The following ARFGEF2 variants were observed in gnomAD, a reference collection of about 807,000 sequenced individuals.
The protein encoded by ARFGEF2 is brefeldin A-inhibited guanine nucleotide-exchange protein 2.
ARFGEF2 carries 74 observed loss-of-function variants against 219.9 expected under a neutral mutation model. The observed-to-expected ratio is 0.34, with a 90% CI of 0.28 to 0.41. The LOEUF (loss-of-function observed/expected upper bound fraction) is 0.41. Ranked by LOEUF, ARFGEF2 falls within the 10% of genes least tolerant of loss-of-function variation. The probability of loss-of-function intolerance (pLI) is 1.00; values close to 1 mark genes in which losing one functional copy is unlikely to be tolerated. For synonymous variants in ARFGEF2, 733 were observed against 799.2 expected, an observed-to-expected ratio of 0.92 and a Z score of 1.40; for missense variants, 1,743 against 2,218.3, an observed-to-expected ratio of 0.79 and a Z score of 4.30.
At chr20:49,017,104 A>T in intron 31 of ARFGEF2, 145 bp from the exon 32 acceptor site, 1 of 735,412 alleles carries the variant, frequency 1.4e-6, no homozygotes, top group South Asian at 1.9e-5. Flanking sequence ...AAAAATTTTA[A>T]TACTGTCTGT....
At chr20:48,968,234 T>C (rs1487977389) in intron 8 of ARFGEF2, among the ~76,000 whole-genome samples, 6 of 152,048 alleles carry the variant, frequency 3.9e-5, no homozygotes, top group East Asian at 3.9e-4. Context: ...ACCTCGTGAT[T>C]CGCCCGCCTC....
At chr20:48,950,807 A>ATATATATATATATAT (rs2091063070) in intron 3 of ARFGEF2, among the ~76,000 whole-genome samples, 3 of 44,812 alleles carry the variant, frequency 6.7e-5, no homozygotes, top group East Asian at 4.5e-4. Flanking sequence ...AAAAAAAAAA[A>ATATATATATATATAT]AAAAATATAT....
At chr20:49,022,940 C>A in intron 34 of ARFGEF2, 111 bp from the exon 35 acceptor site, 2 of 1,423,866 alleles carry the variant, frequency 1.4e-6, no homozygotes, top group East Asian at 4.7e-5. Context: ...CGTAGTGAGA[C>A]CCCATCTCTT....
chr20:48,971,986 A>G (rs1043226889), intron 10 of ARFGEF2, among the ~76,000 whole-genome samples: 66 of 152,128 alleles, frequency 4.3e-4, no homozygotes, highest in African/African-American at 1.5e-3. Context: ...CCCCCTAAAC[A>G]TATCTGTTTG....
chr20:48,927,110 G>A (rs1476916189), intron 1 of ARFGEF2, among the ~76,000 whole-genome samples: 2 of 151,658 alleles, frequency 1.3e-5, no homozygotes, highest in South Asian at 2.1e-4. Context: ...AAGAAGGAGT[G>A]GCTCCTGGGA....
intron 5 of ARFGEF2, 57 bp downstream of exon 5, chr20:48,952,941 C>A: frequency 6.4e-7 from 1 of 1,567,770 alleles, no homozygotes; most frequent in Non-Finnish European, 8.8e-7. Context: ...TGAACTCTAT[C>A]ATGTGTGACC....
intron 26 of ARFGEF2, among the ~76,000 whole-genome samples, chr20:49,007,002 G>A (rs2091465173): frequency 6.6e-6 from 1 of 151,962 alleles, no homozygotes; most frequent in African/African-American, 2.4e-5. Context: ...ATTTTAAGCA[G>A]AGAAGTGAAA....
rs777474842 is a variant in ARFGEF2, at chr20:49,001,985, T to C, written c.3433-3085T>C. On this transcript the variant is annotated intron_variant, in intron 25 of 38. Coordinates refer to ENST00000371917, the MANE Select transcript of ARFGEF2 (RefSeq NM_006420.3). Reference sequence around the variant, plus strand: ...TAACAGGCCGGGCACAGTAGCTCACTCCTGAATCCCAGCAGTTTGGGAAGC... The same window carrying C: ...TAACAGGCCGGGCACAGTAGCTCACCCCTGAATCCCAGCAGTTTGGGAAGC... Among the ~76,000 whole-genome samples the C allele has an allele frequency of 6.4e-4, 97 of 152,296 alleles. 1 individual carries two copies. Among genetic ancestry groups the C allele is most frequent in the Admixed American group, 5.2e-4 (8 of 15,272 alleles).
At chr20:48,969,978 C>A (rs1330555344) in intron 9 of ARFGEF2, among the ~76,000 whole-genome samples, 1 of 152,154 alleles carries the variant, frequency 6.6e-6, no homozygotes, top group Non-Finnish European at 1.5e-5. Context: ...TAATAATAAT[C>A]CTCAATTCAT....
At position 48,965,901 on chromosome 20, in the gene ARFGEF2, C is replaced by G. The variant is rs762006750; in HGVS notation, c.937C>G (p.Pro313Ala). Residue 313 changes from proline to alanine, a missense_variant, in exon 8 of 39, where the codon CCT (proline) becomes GCT (alanine). Coordinates refer to ENST00000371917, the MANE Select transcript of ARFGEF2 (RefSeq NM_006420.3). Reference sequence around the variant, plus strand: ...AGCGGAAAAGCATGGTCTGACAGAACCTGAGAGAGTTCTAGGTGAACTGGA... The same window carrying G: ...AGCGGAAAAGCATGGTCTGACAGAAGCTGAGAGAGTTCTAGGTGAACTGGA... Reference protein sequence around the residue: ...EAAEKHGLTEPERVLGELECQ... With the variant: ...EAAEKHGLTEAERVLGELECQ... 3.7e-6 allele frequency: 6 copies of G among 1,614,058 alleles called. No homozygotes were observed. The African/African-American group carries it at 6.7e-5, about 18-fold the overall frequency.
At chr20:48,953,427 C>T in intron 5 of ARFGEF2, 129 bp from the exon 6 acceptor site, 1 of 851,850 alleles carries the variant, frequency 1.2e-6, no homozygotes, top group African/African-American at 1.7e-5. Flanking sequence ...CCTGCTGCCT[C>T]AGCCTTCCAA....
Position 48,941,197 on chromosome 20 carries a change from A to G in ARFGEF2, c.122-2A>G. ...ATGTGTTTTTTCTTCCTTCCTTACC[A>G]GATGAAATTAAAGCAGAAATAGAAA... On this transcript the variant is annotated splice_acceptor_variant, in intron 1 of 38. Transcript: ENST00000371917. LOFTEE classifies it high-confidence loss of function. 6.2e-7 allele frequency: 1 copy of G among 1,613,114 alleles called. No individual in the cohort carries two copies. The highest frequency in any genetic ancestry group is 8.5e-7 in the Non-Finnish European group (1 of 1,179,410).
chr20:49,013,417 T>G, intron 28 of ARFGEF2, 147 bp from the exon 29 acceptor site: 1 of 969,408 alleles, frequency 1.0e-6, no homozygotes. Flanking sequence ...GATAATGTCT[T>G]TGTGTAGTCT....
intron 10 of ARFGEF2, among the ~76,000 whole-genome samples, chr20:48,971,761 C>T (rs1383013528): frequency 6.6e-6 from 1 of 151,980 alleles, no homozygotes; most frequent in African/African-American, 2.4e-5. Flanking sequence ...ATTAGCCAGG[C>T]GTGGTGGCAG....
intron 14 of ARFGEF2, among the ~76,000 whole-genome samples, chr20:48,982,945 C>T (rs754763744): frequency 9.8e-5 from 15 of 152,314 alleles, no homozygotes; most frequent in East Asian, 5.8e-4. Flanking sequence ...CGACCCCTTA[C>T]GCTTCCCGGG....
chr20:49,000,097 A>G (rs2091416452), intron 25 of ARFGEF2, among the ~76,000 whole-genome samples: 5 of 152,228 alleles, frequency 3.3e-5, no homozygotes, highest in Admixed American at 3.3e-4. Context: ...ATATGATGTA[A>G]CTAGGGAAGA....
At chr20:48,969,738 C>T (rs934172955) in intron 9 of ARFGEF2, among the ~76,000 whole-genome samples, 2 of 152,258 alleles carry the variant, frequency 1.3e-5, no homozygotes, top group African/African-American at 2.4e-5. Flanking sequence ...AGGATGTCAG[C>T]GCTGTGGAGT....
intron 6 of ARFGEF2, among the ~76,000 whole-genome samples, chr20:48,954,832 G>A (rs530767083): frequency 6.6e-6 from 1 of 152,222 alleles, no homozygotes; most frequent in Admixed American, 6.5e-5. Flanking sequence ...TCCTAAGGAA[G>A]GTGCTCAGAA....
intron 14 of ARFGEF2, among the ~76,000 whole-genome samples, chr20:48,980,392 T>G (rs2091287815): frequency 6.6e-6 from 1 of 152,246 alleles, no homozygotes; most frequent in Non-Finnish European, 1.5e-5. Context: ...GAGGAGTGCT[T>G]TACTTCCAAC....
Sources: gnomAD v4.1 joint callset for allele counts (sites outside exome capture counted in the v4.1 genomes callset) on GRCh38, gnomAD v4.1.1 for gene constraint, MANE v1.5 for transcripts, NCBI Gene and HGNC (gene_info 2026-07-23, HGNC 2026-07-21) for gene names.